Variants in SUZ12 observed in about 807,000 individuals in gnomAD.
The protein encoded by SUZ12 is SUZ12 polycomb repressive complex 2 subunit, also known as polycomb protein SUZ12.
A neutral mutation model predicts 87.3 loss-of-function variants in SUZ12; 17 were observed. The ratio of observed to expected loss-of-function variants is 0.19; its 90% confidence interval spans 0.13 to 0.29. The LOEUF (loss-of-function observed/expected upper bound fraction) is 0.29. Ranked by LOEUF, SUZ12 falls within the 10% of genes least tolerant of loss-of-function variation. SUZ12 has a pLI of 1.00. For missense variants in SUZ12, 526 were observed against 912.2 expected, an observed-to-expected ratio of 0.58 and a Z score of 5.45; for synonymous variants, 253 against 312.4, an observed-to-expected ratio of 0.81 and a Z score of 2.01.
intron 5 of SUZ12, 119 bp downstream of exon 5, chr17:31,966,315 G>A (rs2142162212): frequency 4.4e-6 from 4 of 907,632 alleles, no homozygotes; most frequent in South Asian, 1.6e-5. Flanking sequence ...AAATATGTTG[G>A]TTCTGATGTT....
intron 10 of SUZ12, 94 bp downstream of exon 10, chr17:31,988,591 A>G: frequency 8.3e-7 from 1 of 1,209,778 alleles, no homozygotes; most frequent in Non-Finnish European, 1.1e-6. Context: ...GCTTTATGTG[A>G]TTCTTCTTTT....
intron 4 of SUZ12, among the ~76,000 whole-genome samples, chr17:31,950,423 A>G (rs931606519): frequency 4.6e-5 from 7 of 152,210 alleles, no homozygotes; most frequent in African/African-American, 1.7e-4. Flanking sequence ...AGTGGCTCAC[A>G]CCTATAATCC....
At position 31,940,504 on chromosome 17, in the gene SUZ12, T is replaced by G; in HGVS notation, c.386+18T>G. On this transcript the variant is annotated intron_variant, in intron 3 of 15. Coordinates refer to ENST00000322652, the MANE Select transcript of SUZ12 (RefSeq NM_015355.4). Reference sequence around the variant, plus strand: ...ATCAAAAGGTACATTTTATGAATCTTATTTCAAGCTGATCAAACCATGTTA... The same window carrying G: ...ATCAAAAGGTACATTTTATGAATCTGATTTCAAGCTGATCAAACCATGTTA... 6.6e-7 allele frequency: 1 copy of G among 1,520,192 alleles called. No individual in the cohort carries two copies. Among genetic ancestry groups the G allele is most frequent in the South Asian group, 1.3e-5 (1 of 77,600 alleles). 94.2% of individuals were successfully genotyped at this position (1,520,192 alleles called of 1,614,324 possible). A position where few individuals can be genotyped will look rare whatever the true frequency, so the allele number is the denominator to read the frequency against.
intron 8 of SUZ12, among the ~76,000 whole-genome samples, chr17:31,980,223 T>C (rs542244): frequency 0.11 from 16,216 of 151,440 alleles, 1,066 homozygotes; most frequent in Middle Eastern, 0.15. Flanking sequence ...TTCCTTTCCC[T>C]AGCTTTGATA....
In SUZ12 at chr17:31,994,544, T is replaced by G. The variant is rs56205053; in HGVS notation, c.1438-20T>G. ...GGATAGGATACTTAATATATTTTTT[T>G]TTTTACATTTTTGTTGCAGTATCAT... On this transcript the variant is annotated intron_variant, in intron 12 of 15. Transcript: ENST00000322652. 15,429 of 1,567,878 alleles carry G rather than the reference T, an allele frequency of 9.8e-3. 1,099 individuals carry two copies. In the African/African-American group the frequency reaches 0.17, roughly 17 times the overall value.
chr17:31,949,705 T>TTTTTTTTTTTTTG (rs1367680305), intron 4 of SUZ12, among the ~76,000 whole-genome samples: 1 of 96,504 alleles, frequency 1.0e-5, no homozygotes, highest in African/African-American at 4.1e-5. Context: ...TTTTTTTTTT[T>TTTTTTTTTTTTTG]GAGACCAAGT....
intron 11 of SUZ12, 100 bp from the exon 12 acceptor site, chr17:31,993,765 C>T: frequency 2.5e-6 from 3 of 1,217,668 alleles, no homozygotes; most frequent in Non-Finnish European, 2.3e-6. Context: ...ATTTGATTTT[C>T]CGCTTAAATT....
At chr17:31,948,228 C>A (rs572963212) in intron 4 of SUZ12, among the ~76,000 whole-genome samples, 24 of 152,156 alleles carry the variant, frequency 1.6e-4, no homozygotes, top group Non-Finnish European at 2.8e-4. Context: ...ACTTGTTGTA[C>A]ATTATCAAAT....
rs150611614 is a variant in SUZ12, at chr17:31,991,233, C to T, written c.1202-2009C>T. Among the ~76,000 whole-genome samples, 6 of 152,010 alleles carry T rather than the reference C, an allele frequency of 3.9e-5. No individual in the cohort carries two copies. The East Asian group carries it at 1.2e-3, about 29-fold the overall frequency. ...ATTAAAGAGATATAAGAAATGGGGC[C>T]GGGCGCAGTGGCTGACATCTGTAAT... On this transcript the variant is annotated intron_variant, in intron 10 of 15. Coordinates refer to ENST00000322652, the MANE Select transcript of SUZ12 (RefSeq NM_015355.4).
intron 5 of SUZ12, among the ~76,000 whole-genome samples, chr17:31,972,463 A>G (rs541310490): frequency 1.3e-5 from 2 of 151,544 alleles, no homozygotes; most frequent in Non-Finnish European, 2.9e-5. Context: ...CCCAGACTAG[A>G]GGGCAGTGAC....
intron 8 of SUZ12, among the ~76,000 whole-genome samples, chr17:31,980,393 T>C (rs2142188883): frequency 6.7e-6 from 1 of 150,144 alleles, no homozygotes; most frequent in Non-Finnish European, 1.5e-5. Context: ...TTTCCTGATT[T>C]TCTAGAATAG....
intron 14 of SUZ12, 63 bp downstream of exon 14, chr17:31,995,825 A>C: frequency 8.1e-7 from 1 of 1,235,098 alleles, no homozygotes; most frequent in Non-Finnish European, 1.1e-6. Context: ...AAAATTGCTT[A>C]CTATGAACTA....
chr17:31,964,627 G>A (rs1033019740), intron 4 of SUZ12, among the ~76,000 whole-genome samples: 2 of 151,686 alleles, frequency 1.3e-5, no homozygotes, highest in African/African-American at 2.4e-5. Flanking sequence ...GGCTGGTCTC[G>A]AACTCCTGAC....
At chr17:31,945,174 C>T (rs1483141264) in intron 3 of SUZ12, among the ~76,000 whole-genome samples, 5 of 151,570 alleles carry the variant, frequency 3.3e-5, no homozygotes, top group Non-Finnish European at 5.9e-5. Flanking sequence ...AACTCATTTG[C>T]TGTTGTCTTC....
intron 6 of SUZ12, among the ~76,000 whole-genome samples, chr17:31,973,831 G>A (rs2142175414): frequency 6.6e-6 from 1 of 152,310 alleles, no homozygotes; most frequent in Non-Finnish European, 1.5e-5. Context: ...CAGGGTCCCA[G>A]TGCTGATATT....
chr17:31,937,306 CG>C lies in SUZ12; in HGVS notation c.65del (p.Gly22GlufsTer50). 7.0e-7 allele frequency: 1 copy of C among 1,428,960 alleles called. No individual in the cohort carries two copies. Among genetic ancestry groups the C allele is most frequent in the Non-Finnish European group, 9.1e-7 (1 of 1,101,854 alleles). 88.5% of individuals were successfully genotyped at this position (1,428,960 alleles called of 1,614,324 possible). On this transcript the variant is annotated frameshift_variant, in exon 1 of 16. Transcript: ENST00000322652. LOFTEE classifies it high-confidence loss of function. ...GCGGCTCGGGGCCCAGCGCGGGGTC[CG>C]GGGGAGGCGGCTTCGGGGGTTCGGC... Reference protein sequence around the residue: ...GGGSGPSAGSGGGGFGGSAAV... With the variant: ...GGGSGPSAGSXGGGFGGSAAV...
chr17:31,972,309 A>T (rs1263001748), intron 5 of SUZ12, among the ~76,000 whole-genome samples: 1 of 150,976 alleles, frequency 6.6e-6, no homozygotes, highest in South Asian at 2.1e-4. Context: ...AAATATATAT[A>T]TGTGTATATA....
At chr17:31,945,971 T>C (rs1161037578) in intron 3 of SUZ12, among the ~76,000 whole-genome samples, 1 of 152,188 alleles carries the variant, frequency 6.6e-6, no homozygotes, top group Non-Finnish European at 1.5e-5. Context: ...TTCTTTTTTC[T>C]CTCTTATCTG....
chr17:31,953,711 ATTTT>A (rs756892113), intron 4 of SUZ12, among the ~76,000 whole-genome samples: 345 of 131,726 alleles, frequency 2.6e-3, no homozygotes, highest in African/African-American at 8.7e-3. Flanking sequence ...CCCAGCCTCA[ATTTT>A]TTTTTTTTTT....
Sources: allele counts gnomAD v4.1 joint callset (sites outside exome capture counted in the v4.1 genomes callset), GRCh38; gene constraint gnomAD v4.1.1; transcripts MANE v1.5; gene names NCBI Gene and HGNC (gene_info 2026-07-23, HGNC 2026-07-21).